The following PDGFD variants were observed in gnomAD, a reference collection of about 807,000 sequenced individuals.
PDGFD encodes the protein platelet-derived growth factor D.
A neutral mutation model predicts 44.7 loss-of-function variants in PDGFD; 30 were observed. That is an observed-to-expected ratio of 0.67 (90% CI 0.50 to 0.91). The LOEUF is 0.91. Among genes scored for constraint, PDGFD ranks in the 40% least tolerant of loss-of-function variants. The probability of loss-of-function intolerance (pLI) is 0.00; values close to 1 mark genes in which losing one functional copy is unlikely to be tolerated. For synonymous variants in PDGFD, 173 were observed against 168.4 expected, an observed-to-expected ratio of 1.03 and a Z score of -0.21; for missense variants, 445 against 457.8, an observed-to-expected ratio of 0.97 and a Z score of 0.25.
chr11:103,953,049 A>C (rs928299391), intron 3 of PDGFD, among the ~76,000 whole-genome samples: 2 of 152,198 alleles, frequency 1.3e-5, no homozygotes, highest in Non-Finnish European at 2.9e-5. Flanking sequence ...ACACAGATAA[A>C]TATTTATGTA....
rs1460147902 is a variant in PDGFD at position 104,103,460 on chromosome 11, GTGTA to G, written c.124+60340_124+60343del. ...AAAACAGACAATTATGTGTGTGTGT[GTGTA>G]TATATATATATATATATATATATAT... On this transcript the variant is annotated intron_variant, in intron 1 of 6. Coordinates refer to ENST00000393158, the MANE Select transcript of PDGFD (RefSeq NM_025208.5). Among the ~76,000 whole-genome samples the G allele has an allele frequency of 6.5e-5, 4 of 61,476 alleles. No homozygotes were observed. The East Asian group carries it at 1.8e-3, about 27-fold the overall frequency. The allele number at this position is 61,476 out of a possible 152,430, so 40.3% of individuals were successfully genotyped here.
At chr11:104,081,576 C>G (rs1262656683) in intron 1 of PDGFD, among the ~76,000 whole-genome samples, 1 of 152,032 alleles carries the variant, frequency 6.6e-6, no homozygotes, top group Non-Finnish European at 1.5e-5. Flanking sequence ...AACTATATAA[C>G]TTTGTATTTA....
chr11:104,042,808 C>A (rs1860378431), intron 1 of PDGFD, among the ~76,000 whole-genome samples: 1 of 152,098 alleles, frequency 6.6e-6, no homozygotes, highest in Admixed American at 6.5e-5. Context: ...ATTTTGAAAC[C>A]TTACTTTATC....
intron 3 of PDGFD, among the ~76,000 whole-genome samples, chr11:103,970,189 T>G (rs923123132): frequency 6.6e-6 from 1 of 152,090 alleles, no homozygotes; most frequent in East Asian, 1.9e-4. Flanking sequence ...TACATCCTCT[T>G]TGAGTTGAGA....
chr11:104,072,277 G>T (rs892449091), intron 1 of PDGFD, among the ~76,000 whole-genome samples: 14 of 151,690 alleles, frequency 9.2e-5, no homozygotes, highest in Non-Finnish European at 2.1e-4. Context: ...TGTTTCAGTA[G>T]TGTATTACTT....
intron 3 of PDGFD, among the ~76,000 whole-genome samples, chr11:103,983,129 T>A (rs968704965): frequency 1.3e-5 from 2 of 151,396 alleles, no homozygotes; most frequent in Non-Finnish European, 1.5e-5. Context: ...TAAGCAAAAA[T>A]GACAAAGCTG....
At chr11:104,039,395 T>C (rs1860309664) in intron 1 of PDGFD, among the ~76,000 whole-genome samples, 2 of 152,100 alleles carry the variant, frequency 1.3e-5, no homozygotes, top group Non-Finnish European at 2.9e-5. Flanking sequence ...ACATAAAGCA[T>C]TCCCAAAGGA....
At chr11:104,095,752 A>T (rs1375680267) in intron 1 of PDGFD, among the ~76,000 whole-genome samples, 1 of 152,168 alleles carries the variant, frequency 6.6e-6, no homozygotes, top group Non-Finnish European at 1.5e-5. Context: ...TTGCGCATGA[A>T]ATCTCCGTTA....
chr11:104,058,126 T>G (rs1193941482), intron 1 of PDGFD, among the ~76,000 whole-genome samples: 1 of 152,060 alleles, frequency 6.6e-6, no homozygotes, highest in Non-Finnish European at 1.5e-5. Context: ...ACAAAAAGCA[T>G]GAACCATAAA....
chr11:104,147,486 TG>T (rs1446307222), intron 1 of PDGFD, among the ~76,000 whole-genome samples: 1 of 152,186 alleles, frequency 6.6e-6, no homozygotes, highest in Non-Finnish European at 1.5e-5. Context: ...ACCAATAGCT[TG>T]GTAGAGATAC....
At chr11:104,016,319 A>C (rs1174876224) in intron 1 of PDGFD, among the ~76,000 whole-genome samples, 2 of 152,204 alleles carry the variant, frequency 1.3e-5, no homozygotes, top group Non-Finnish European at 2.9e-5. Context: ...AGTTTCAGCT[A>C]TCTCTCCCTC....
At chr11:104,130,620 G>A (rs1413843835) in intron 1 of PDGFD, among the ~76,000 whole-genome samples, 1 of 152,068 alleles carries the variant, frequency 6.6e-6, no homozygotes, top group Non-Finnish European at 1.5e-5. Flanking sequence ...CTTTCTGTTC[G>A]AATAAACCAT....
chr11:104,028,526 C>A (rs1293811910), intron 1 of PDGFD, among the ~76,000 whole-genome samples: 3 of 150,242 alleles, frequency 2.0e-5, no homozygotes, highest in Middle Eastern at 6.9e-3. Flanking sequence ...GGTCTCAGAG[C>A]CCAATTTTAA....
rs896398061 is a variant in PDGFD, at chr11:104,071,429, C to T, written c.125-71174G>A. Among the ~76,000 whole-genome samples the T allele has an allele frequency of 6.2e-5, 9 of 145,632 alleles. No individual in the cohort carries two copies. In the South Asian group the frequency reaches 1.1e-3, roughly 18 times the overall value. On this transcript the variant is annotated intron_variant, in intron 1 of 6. Coordinates refer to ENST00000393158, the MANE Select transcript of PDGFD (RefSeq NM_025208.5). Reference sequence around the variant, plus strand: ...ATATGGGTATATTTATATTTGAGTGCGTGTGTGTGTGTGTGTGTGTTATAT... The same window carrying T: ...ATATGGGTATATTTATATTTGAGTGTGTGTGTGTGTGTGTGTGTGTTATAT...
At chr11:104,071,939 C>A (rs1295832248) in intron 1 of PDGFD, among the ~76,000 whole-genome samples, 1 of 151,608 alleles carries the variant, frequency 6.6e-6, no homozygotes, top group Non-Finnish European at 1.5e-5. Flanking sequence ...TTCCACTAGT[C>A]TATTTATATA....
chr11:104,107,448 C>T (rs112440414), intron 1 of PDGFD, among the ~76,000 whole-genome samples: 7 of 152,206 alleles, frequency 4.6e-5, no homozygotes, highest in East Asian at 1.9e-4. Flanking sequence ...CCTGCTGACA[C>T]CTTCATCAGA....
At position 103,930,175 on chromosome 11, in the gene PDGFD, G is replaced by A. The variant is rs1858379301; in HGVS notation, c.773-3049C>T. Among the ~76,000 whole-genome samples the A allele has an allele frequency of 2.0e-5, 3 of 152,242 alleles. No individual in the cohort carries two copies. The South Asian group carries it at 6.2e-4, about 32-fold the overall frequency. ...TACAGGCAGTTTTCTGGAAAGGCTGGGAAGGCTCCCCTGTCCTCAAAAACT... is the reference window on the plus strand; with the variant it reads ...TACAGGCAGTTTTCTGGAAAGGCTGAGAAGGCTCCCCTGTCCTCAAAAACT... On this transcript the variant is annotated intron_variant, in intron 5 of 6. Coordinates refer to ENST00000393158, the MANE Select transcript of PDGFD (RefSeq NM_025208.5).
At chr11:103,997,045 C>T (rs1412978800) in intron 2 of PDGFD, among the ~76,000 whole-genome samples, 3 of 152,228 alleles carry the variant, frequency 2.0e-5, no homozygotes, top group African/African-American at 7.2e-5. Context: ...CATTCTATCA[C>T]ATAGTAGGAG....
intron 1 of PDGFD, among the ~76,000 whole-genome samples, chr11:104,122,006 T>A (rs1861785040): frequency 6.6e-6 from 1 of 152,066 alleles, no homozygotes; most frequent in African/African-American, 2.4e-5. Flanking sequence ...TTTATACTGG[T>A]CTTATTGATA....
Sources: gnomAD v4.1 joint callset for allele counts (sites outside exome capture counted in the v4.1 genomes callset) on GRCh38, gnomAD v4.1.1 for gene constraint, MANE v1.5 for transcripts, NCBI Gene and HGNC (gene_info 2026-07-23, HGNC 2026-07-21) for gene names.